The following GRWD1 variants were observed in gnomAD, a reference collection of about 807,000 sequenced individuals.
GRWD1 encodes the protein glutamate-rich WD repeat-containing protein 1.
In GRWD1, 29 loss-of-function variants were observed where a neutral mutation model predicts 45.3. The observed-to-expected ratio is 0.64, with a 90% CI of 0.48 to 0.87. GRWD1 has a LOEUF of 0.87. Ranked by LOEUF, GRWD1 falls within the 40% of genes least tolerant of loss-of-function variation. The pLI is 0.00. For missense variants in GRWD1, 592 were observed against 618.8 expected (o/e 0.96, Z 0.46); for synonymous variants, 262 against 257.6 (o/e 1.02, Z -0.16).
rs79405399 is a variant in GRWD1, at chr19:48,452,502, G to A, written c.1024-206G>A. Among the ~76,000 whole-genome samples the A allele has an allele frequency of 0.021, 3,130 of 152,266 alleles. 110 individuals carry two copies. Among genetic ancestry groups the A allele is most frequent in the African/African-American group, 0.069 (2,860 of 41,538 alleles). ...GGGGCTTCTTTGCAGGTGAATCACA[G>A]TTCCCAGCAACCCCTGGGCTGGTCA... On this transcript the variant is annotated intron_variant, in intron 6 of 6. Transcript: ENST00000253237. This position sits in a 1 kb window ranked among gnomAD's most constrained non-coding sequence, Gnocchi z 5.1.
rs1971487245 is a variant in GRWD1, at chr19:48,452,532, T to G, written c.1024-176T>G. Reference sequence around the variant, plus strand: ...CAGCAACCCCTGGGCTGGTCAGCCTTCTTAGCAGCCAGAATTACCCTGTGT... The same window carrying G: ...CAGCAACCCCTGGGCTGGTCAGCCTGCTTAGCAGCCAGAATTACCCTGTGT... On this transcript the variant is annotated intron_variant, in intron 6 of 6. Coordinates refer to ENST00000253237, the MANE Select transcript of GRWD1 (RefSeq NM_031485.4). This position sits in a 1 kb window ranked among gnomAD's most constrained non-coding sequence, Gnocchi z 5.1. 6.6e-6 allele frequency among the ~76,000 whole-genome samples: 1 copy of G among 152,130 alleles called. No homozygotes were observed.
Position 48,452,912 on chromosome 19 carries a change from G to A in GRWD1, c.1228G>A (p.Val410Met), listed in dbSNP as rs753109235. Residue 410 changes from valine to methionine, a missense_variant, in exon 7 of 7, where the codon GTG becomes ATG. By Grantham distance (21) the Val-to-Met change is conservative. Coordinates refer to ENST00000253237, the MANE Select transcript of GRWD1 (RefSeq NM_031485.4). This position sits in a 1 kb window ranked among gnomAD's most constrained non-coding sequence, Gnocchi z 5.1. Reference protein sequence around the residue: ...LADLPQQLLFVHQGETELKEL... With the variant: ...LADLPQQLLFMHQGETELKEL... ...CGACCTCCCGCAGCAGCTGCTGTTC[G>A]TGCACCAGGGCGAGACCGAGCTGAA... 1.2e-5 allele frequency: 19 copies of A among 1,611,896 alleles called. No individual in the cohort carries two copies. Among genetic ancestry groups the A allele is most frequent in the Admixed American group, 3.3e-5 (2 of 60,002 alleles).
In GRWD1 at chr19:48,450,637, CG is replaced by C; in HGVS notation, c.683-28del. The C allele has an allele frequency of 6.2e-7, 1 of 1,611,060 alleles. No individual in the cohort carries two copies. The highest frequency in any genetic ancestry group is 8.5e-7 in the Non-Finnish European group (1 of 1,178,260). On this transcript the variant is annotated intron_variant, in intron 4 of 6. Coordinates refer to ENST00000253237, the MANE Select transcript of GRWD1 (RefSeq NM_031485.4). The surrounding 1 kb of genome is among the most constrained non-coding windows in gnomAD (Gnocchi z 5.1). The stretch of plus-strand genomic sequence containing the variant: ...GGGAGCGAGCTGCGGCCAGGTGGGG[CG>C]AGGTCATTTCCTGACTCCCTTCCCC...
In GRWD1 at chr19:48,451,051, A is replaced by C. The variant is rs1467828493; in HGVS notation, c.843A>C (p.Ser281=). 6.2e-7 allele frequency: 1 copy of C among 1,613,812 alleles called. No individual in the cohort carries two copies. The highest frequency in any genetic ancestry group is 8.5e-7 in the Non-Finnish European group (1 of 1,179,902). ...TCCCCCAGGTGTTTGCCTCCTGCTC[A>C]GCTGACGCCTCCATCCGCATCTGGG... The part of the protein sequence containing the change: ...PTENTVFASC[S]ADASIRIWDI... Residue 281 remains serine, a synonymous_variant, in exon 6 of 7, where the codon TCA becomes TCC. Coordinates refer to ENST00000253237, the MANE Select transcript of GRWD1 (RefSeq NM_031485.4).
chr19:48,446,728 C>T lies in GRWD1; in HGVS notation c.353C>T (p.Pro118Leu), dbSNP rs769899973. The T allele has an allele frequency of 2.5e-5, 40 of 1,612,658 alleles. 1 individual carries two copies. The South Asian group carries it at 4.1e-4, about 16-fold the overall frequency. The stretch of plus-strand genomic sequence containing the variant: ...AATCTGCATGGGACAAAGCCCCCAC[C>T]CTCAGAGGGCAGTGATGAAGAAGAA... ...MHNLHGTKPP[P>L]SEGSDEEEEE... is the part of the protein sequence containing the mutation. Residue 118 changes from proline to leucine, a missense_variant, in exon 3 of 7, where the codon CCC (proline) becomes CTC (leucine). Coordinates refer to ENST00000253237, the MANE Select transcript of GRWD1 (RefSeq NM_031485.4).
rs1258866275 is a variant in GRWD1, at chr19:48,455,692, G to C, written c.*2667G>C. The C allele has an allele frequency of 1.3e-5, 2 of 152,334 alleles. No individual in the cohort carries two copies. The highest frequency in any genetic ancestry group is 4.8e-5 in the African/African-American group (2 of 41,452). The allele number at this position is 152,334 out of a possible 1,614,324, so 9.4% of individuals were successfully genotyped here. A position where few individuals can be genotyped will look rare whatever the true frequency, so the allele number is the denominator to read the frequency against. ...GCCTCACGGGGCTGAGGTGGGACTG[G>C]AGGATTTCGAGGGCAGAACTCTGGG... On this transcript the variant is annotated 3_prime_UTR_variant, in exon 7 of 7. Transcript: ENST00000253237.
At position 48,456,385 on chromosome 19, in the gene GRWD1, G is replaced by C. The variant is rs7257118; in HGVS notation, c.*3360G>C. ...CAGTCTCTAACATGCAGGGTTGTCAGGGGTGAGATAGAGTCAAGGTTGGGG... is the reference window on the plus strand; with the variant it reads ...CAGTCTCTAACATGCAGGGTTGTCACGGGTGAGATAGAGTCAAGGTTGGGG... On this transcript the variant is annotated 3_prime_UTR_variant, in exon 7 of 7. Coordinates refer to ENST00000253237, the MANE Select transcript of GRWD1 (RefSeq NM_031485.4). 6.6e-6 allele frequency: 1 copy of C among 152,348 alleles called. No individual in the cohort carries two copies. The highest frequency in any genetic ancestry group is 2.4e-5 in the African/African-American group (1 of 41,526). 9.4% of individuals were successfully genotyped at this position (152,348 alleles called of 1,614,324 possible).
rs1971398135 is a variant in GRWD1, at chr19:48,446,109, C to T, written c.104C>T (p.Pro35Leu). The T allele has an allele frequency of 6.3e-7, 1 of 1,593,900 alleles. No homozygotes were observed. Reference protein sequence around the residue: ...SSEGPAQVYLPGRGPPLREGE... With the variant: ...SSEGPAQVYLLGRGPPLREGE... Reference sequence around the variant, plus strand: ...GAGGGCCCGGCCCAGGTCTACCTGCCCGGCCGGGGGCCGCCGCTACGCGAA... The same window carrying T: ...GAGGGCCCGGCCCAGGTCTACCTGCTCGGCCGGGGGCCGCCGCTACGCGAA... The change falls in exon 1 of 7, where the codon CCC becomes CTC. Residue 35 changes from proline to leucine, a missense_variant. Coordinates refer to ENST00000253237, the MANE Select transcript of GRWD1 (RefSeq NM_031485.4).
chr19:48,451,811 G>A lies in GRWD1; in HGVS notation c.1023+580G>A, dbSNP rs79153864. On this transcript the variant is annotated intron_variant, in intron 6 of 6. Transcript: ENST00000253237. ...ATCCTTTTTCTCCTCCAGTTTGATCGTTTCTATAGCGTCAGCCCTGGGGAG... is the reference window on the plus strand; with the variant it reads ...ATCCTTTTTCTCCTCCAGTTTGATCATTTCTATAGCGTCAGCCCTGGGGAG... 9.2e-3 allele frequency among the ~76,000 whole-genome samples: 1,396 copies of A among 152,216 alleles called. 8 individuals carry two copies. The highest frequency in any genetic ancestry group is 0.014 in the Non-Finnish European group (950 of 68,012).
chr19:48,450,768 G>A lies in GRWD1; in HGVS notation c.785G>A (p.Arg262His), dbSNP rs768042455. The change falls in exon 5 of 7, where the codon CGC becomes CAC. Residue 262 changes from arginine to histidine, a missense_variant. Physicochemically the swap from Arg to His is conservative, Grantham distance 29. Coordinates refer to ENST00000253237, the MANE Select transcript of GRWD1 (RefSeq NM_031485.4). The surrounding 1 kb of genome is among the most constrained non-coding windows in gnomAD (Gnocchi z 5.1). Reference protein sequence around the residue: ...VDQRPFVGHTRSVEDLQWSPT... With the variant: ...VDQRPFVGHTHSVEDLQWSPT... ...CAGCGGCCATTCGTGGGCCACACAC[G>A]CTCTGTGGAGGACCTGCAGTGGTCA... 2.0e-5 allele frequency: 32 copies of A among 1,614,062 alleles called. No homozygotes were observed. The highest frequency in any genetic ancestry group is 1.7e-4 in the Admixed American group (10 of 60,024).
Position 48,446,163 on chromosome 19 carries a change from C to G in GRWD1, c.158C>G (p.Ala53Gly), listed in dbSNP as rs775917486. 6.2e-7 allele frequency: 1 copy of G among 1,605,798 alleles called. No individual in the cohort carries two copies. The highest frequency in any genetic ancestry group is 1.3e-5 in the African/African-American group (1 of 74,564). ...GAGGAGCTGGTCATGGACGAGGAGGCCTATGTGCTCTACCACCGAGCGCAG... is the reference window on the plus strand; with the variant it reads ...GAGGAGCTGGTCATGGACGAGGAGGGCTATGTGCTCTACCACCGAGCGCAG... ...EGEELVMDEEAYVLYHRAQTG... is the reference protein window; with the variant it reads ...EGEELVMDEEGYVLYHRAQTG... Residue 53 changes from alanine (A) to glycine (G), a missense_variant, in exon 1 of 7, where the codon GCC (alanine) becomes GGC (glycine). Coordinates refer to ENST00000253237, the MANE Select transcript of GRWD1 (RefSeq NM_031485.4).
At position 48,452,545 on chromosome 19, in the gene GRWD1, A is replaced by T. The variant is rs531222637; in HGVS notation, c.1024-163A>T. Among the ~76,000 whole-genome samples, 5 of 152,246 alleles carry T rather than the reference A, an allele frequency of 3.3e-5. No individual in the cohort carries two copies. In the South Asian group the frequency reaches 1.0e-3, roughly 32 times the overall value. ...GCTGGTCAGCCTTCTTAGCAGCCAG[A>T]ATTACCCTGTGTCCCTTTCCTGGAC... On this transcript the variant is annotated intron_variant, in intron 6 of 6. Coordinates refer to ENST00000253237, the MANE Select transcript of GRWD1 (RefSeq NM_031485.4). The surrounding 1 kb of genome is among the most constrained non-coding windows in gnomAD (Gnocchi z 5.1).
intron 6 of GRWD1, 94 bp downstream of exon 6, chr19:48,451,325 C>T: frequency 8.9e-7 from 1 of 1,121,206 alleles, no homozygotes; most frequent in Non-Finnish European, 1.3e-6. Context: ...TAGTTTTACA[C>T]AACCAGAGCT....
chr19:48,450,485 T>C lies in GRWD1; in HGVS notation c.641T>C (p.Met214Thr), dbSNP rs1315062434. The C allele has an allele frequency of 6.2e-7, 1 of 1,614,128 alleles. No homozygotes were observed. The highest frequency in any genetic ancestry group is 1.3e-5 in the African/African-American group (1 of 75,044). ...MKPIFSFAGH[M>T]GEGFALDWSP... The stretch of plus-strand genomic sequence containing the variant: ...CCCATCTTCTCCTTCGCTGGACACA[T>C]GGGCGAGGGCTTTGCCCTTGACTGG... Residue 214 changes from methionine (M) to threonine (T), a missense_variant, in exon 4 of 7, where the codon ATG (methionine) becomes ACG (threonine). Met to Thr is a moderately conservative substitution (Grantham distance 81). Coordinates refer to ENST00000253237, the MANE Select transcript of GRWD1 (RefSeq NM_031485.4). The surrounding 1 kb of genome is among the most constrained non-coding windows in gnomAD (Gnocchi z 5.1).
rs1971496506 is a variant in GRWD1, at chr19:48,453,226, A to T, written c.*201A>T. Reference sequence around the variant, plus strand: ...TCTCACCAAAGAACTCGGTTTAACCAGGGCTCTGTAAGACCACTCCCACCC... The same window carrying T: ...TCTCACCAAAGAACTCGGTTTAACCTGGGCTCTGTAAGACCACTCCCACCC... On this transcript the variant is annotated 3_prime_UTR_variant, in exon 7 of 7. Coordinates refer to ENST00000253237, the MANE Select transcript of GRWD1 (RefSeq NM_031485.4). 2 of 554,536 alleles carry T rather than the reference A, an allele frequency of 3.6e-6. No homozygotes were observed. The highest frequency in any genetic ancestry group is 6.4e-6 in the Non-Finnish European group (2 of 314,718). The allele number at this position is 554,536 out of a possible 1,614,324, so 34.4% of individuals were successfully genotyped here. A position where few individuals can be genotyped will look rare whatever the true frequency, so the allele number is the denominator to read the frequency against.
chr19:48,452,877 C>A lies in GRWD1; in HGVS notation c.1193C>A (p.Pro398His). The change falls in exon 7 of 7, where the codon CCC (proline) becomes CAC (histidine). Residue 398 changes from proline (P) to histidine (H), a missense_variant. Pro to His is a moderately conservative substitution (Grantham distance 77). Transcript: ENST00000253237. This position sits in a 1 kb window ranked among gnomAD's most constrained non-coding sequence, Gnocchi z 5.1. ...DPEAGDVEAD[P>H]GLADLPQQLL... Reference sequence around the variant, plus strand: ...GAGGCGGGCGACGTGGAGGCCGACCCCGGACTGGCCGACCTCCCGCAGCAG... The same window carrying A: ...GAGGCGGGCGACGTGGAGGCCGACCACGGACTGGCCGACCTCCCGCAGCAG... The A allele has an allele frequency of 6.2e-7, 1 of 1,612,456 alleles. No homozygotes were observed. Among genetic ancestry groups the A allele is most frequent in the Non-Finnish European group, 8.5e-7 (1 of 1,179,790 alleles).
Position 48,452,703 on chromosome 19 carries a change from T to C in GRWD1, c.1024-5T>C. On this transcript the variant is annotated splice_polypyrimidine_tract_variant and splice_region_variant and intron_variant, in intron 6 of 6. Coordinates refer to ENST00000253237, the MANE Select transcript of GRWD1 (RefSeq NM_031485.4). This position sits in a 1 kb window ranked among gnomAD's most constrained non-coding sequence, Gnocchi z 5.1. ...GAGCCCGTTCCTCCCATCCTCTCCC[T>C]CTAGTCTGGTTCCCCAGTGGCCACC... 1.9e-6 allele frequency: 3 copies of C among 1,558,718 alleles called. No homozygotes were observed. The highest frequency in any genetic ancestry group is 2.6e-6 in the Non-Finnish European group (3 of 1,145,834).
rs200867123 is a variant in GRWD1, at chr19:48,452,986, G to A, written c.1302G>A (p.Ala434=). The A allele has an allele frequency of 3.2e-5, 51 of 1,599,766 alleles. No homozygotes were observed. The highest frequency in any genetic ancestry group is 3.1e-4 in the African/African-American group (23 of 74,668). Residue 434 remains alanine (A), a synonymous_variant, in exon 7 of 7, where the codon GCG becomes GCA. Transcript: ENST00000253237. This position sits in a 1 kb window ranked among gnomAD's most constrained non-coding sequence, Gnocchi z 5.1. The part of the protein sequence containing the change: ...PQCPGLLVST[A]LSGFTIFRTI... Reference sequence around the variant, plus strand: ...GCCCAGGGCTCCTGGTCAGCACGGCGCTGTCAGGCTTCACCATCTTCCGCA... The same window carrying A: ...GCCCAGGGCTCCTGGTCAGCACGGCACTGTCAGGCTTCACCATCTTCCGCA...
Position 48,447,070 on chromosome 19 carries a change from CATTTT to C in GRWD1, c.468+228_468+232del, listed in dbSNP as rs1380431754. Among the ~76,000 whole-genome samples the C allele has an allele frequency of 2.2e-4, 27 of 124,118 alleles. 2 individuals carry two copies. Among genetic ancestry groups the C allele is most frequent in the South Asian group, 7.4e-4 (3 of 4,074 alleles). The allele number at this position is 124,118 out of a possible 152,430, so 81.4% of individuals were successfully genotyped here. A position where few individuals can be genotyped will look rare whatever the true frequency, so the allele number is the denominator to read the frequency against. On this transcript the variant is annotated intron_variant, in intron 3 of 6. Coordinates refer to ENST00000253237, the MANE Select transcript of GRWD1 (RefSeq NM_031485.4). Reference sequence around the variant, plus strand: ...CAAGCGTGAGCCACCGTGCCTGGCCCATTTTTTTTTTTTTTTTTTTTGAGATGGAG... The same window carrying C: ...CAAGCGTGAGCCACCGTGCCTGGCCCTTTTTTTTTTTTTTTTGAGATGGAG...
Sources: allele counts gnomAD v4.1 joint callset (sites outside exome capture counted in the v4.1 genomes callset), GRCh38; gene constraint gnomAD v4.1.1; non-coding constraint Gnocchi (gnomAD v3.1); transcripts MANE v1.5; gene names NCBI Gene and HGNC (gene_info 2026-07-23, HGNC 2026-07-21).